Variants in GIMAP8 observed in about 807,000 individuals in gnomAD.
GIMAP8 encodes the protein GTPase, IMAP family member 8, also known as GTPase IMAP family member 8.
In GIMAP8, 29 loss-of-function variants were observed where a neutral mutation model predicts 35.6. The ratio of observed to expected loss-of-function variants is 0.81; its 90% CI spans 0.61 to 1.11. The LOEUF (loss-of-function observed/expected upper bound fraction) is 1.11, where lower values mean the gene tolerates loss of function less well. Ranked by LOEUF, GIMAP8 falls within the 50% of genes most tolerant of loss-of-function variation. The pLI is 0.00. For synonymous variants in GIMAP8, 335 were observed against 308.7 expected (o/e 1.09, Z -0.89); for missense variants, 811 against 805.0 (o/e 1.01, Z -0.09).
In GIMAP8 at chr7:150,467,332, C is replaced by G. The variant is rs766191571; in HGVS notation, c.634C>G (p.Gln212Glu). 1 of 1,607,096 alleles carries G rather than the reference C, an allele frequency of 6.2e-7. No homozygotes were observed. The highest frequency in any genetic ancestry group is 1.3e-5 in the African/African-American group (1 of 74,678). Residue 212 changes from glutamine to glutamate, a missense_variant and splice_region_variant, in exon 2 of 5, where the codon CAA becomes GAA. Coordinates refer to ENST00000307271, the MANE Select transcript of GIMAP8 (RefSeq NM_175571.4). ...VNFKTEGSRF[Q>E]DCVNEAASQE... Reference sequence around the variant, plus strand: ...CTTCAAAACTGAAGGCAGCAGGTTTCAAGTAAGAATTTTGTTAATATCTTG... The same window carrying G: ...CTTCAAAACTGAAGGCAGCAGGTTTGAAGTAAGAATTTTGTTAATATCTTG...
intron 1 of GIMAP8, among the ~76,000 whole-genome samples, chr7:150,452,836 C>T (rs1463010080): frequency 6.6e-6 from 1 of 151,288 alleles, no homozygotes; most frequent in Non-Finnish European, 1.5e-5. Flanking sequence ...GATCTACCTG[C>T]CTTGGCCTCT....
At chr7:150,475,665 T>C (rs1472334736) in intron 4 of GIMAP8, among the ~76,000 whole-genome samples, 1 of 152,096 alleles carries the variant, frequency 6.6e-6, no homozygotes, top group Non-Finnish European at 1.5e-5. Flanking sequence ...TCAAACATCC[T>C]CACCCAGGAA....
chr7:150,467,170 G>A lies in GIMAP8; in HGVS notation c.472G>A (p.Val158Ile), dbSNP rs1213022362. 5.0e-6 allele frequency: 8 copies of A among 1,614,076 alleles called. No homozygotes were observed. The highest frequency in any genetic ancestry group is 1.3e-5 in the African/African-American group (1 of 74,918). ...AAAAAACAAACCTCTCAAGCAGTTGGTTCAAGACTATGAGGGCCGATACTG... is the reference window on the plus strand; with the variant it reads ...AAAAAACAAACCTCTCAAGCAGTTGATTCAAGACTATGAGGGCCGATACTG... ...IEKNKPLKQLVQDYEGRYCIF... is the reference protein window; with the variant it reads ...IEKNKPLKQLIQDYEGRYCIF... The change falls in exon 2 of 5, where the codon GTT becomes ATT. Residue 158 changes from valine to isoleucine, a missense_variant. By Grantham distance (29) the Val-to-Ile change is conservative. Transcript: ENST00000307271.
At chr7:150,461,308 C>T (rs1160430572) in intron 1 of GIMAP8, among the ~76,000 whole-genome samples, 1 of 152,158 alleles carries the variant, frequency 6.6e-6, no homozygotes, top group Admixed American at 6.5e-5. Context: ...GATTATGTGT[C>T]CAATGTTGAA....
At chr7:150,473,785 G>C (rs542846931) in intron 3 of GIMAP8, among the ~76,000 whole-genome samples, 2 of 151,802 alleles carry the variant, frequency 1.3e-5, no homozygotes, top group Non-Finnish European at 2.9e-5. Flanking sequence ...TGGCATGTTC[G>C]TGTTCCTGGG....
chr7:150,466,982 A>T lies in GIMAP8; in HGVS notation c.284A>T (p.His95Leu). ...TTGGAGCTCTCTGCTCCCAGCCTCCATGCTCTGCTCTTGGTAATTGCCATC... is the reference window on the plus strand; with the variant it reads ...TTGGAGCTCTCTGCTCCCAGCCTCCTTGCTCTGCTCTTGGTAATTGCCATC... ...HCLELSAPSLHALLLVIAIGH... is the reference protein window; with the variant it reads ...HCLELSAPSLLALLLVIAIGH... Residue 95 changes from histidine to leucine, a missense_variant, in exon 2 of 5, where the codon CAT (histidine) becomes CTT (leucine). Transcript: ENST00000307271. 1 of 1,614,240 alleles carries T rather than the reference A, an allele frequency of 6.2e-7. No individual in the cohort carries two copies. Among genetic ancestry groups the T allele is most frequent in the South Asian group, 1.1e-5 (1 of 91,088 alleles).
chr7:150,459,837 T>G (rs997586532), intron 1 of GIMAP8, among the ~76,000 whole-genome samples: 5 of 152,162 alleles, frequency 3.3e-5, no homozygotes, highest in African/African-American at 4.8e-5. Flanking sequence ...GGTAAGGCAT[T>G]ATGTAAGCCC....
At chr7:150,467,675 C>G (rs556311830) in intron 2 of GIMAP8, among the ~76,000 whole-genome samples, 1 of 152,136 alleles carries the variant, frequency 6.6e-6, no homozygotes, top group Non-Finnish European at 1.5e-5. Flanking sequence ...ATTTTTCCCT[C>G]TTTTTCTGGC....
intron 2 of GIMAP8, among the ~76,000 whole-genome samples, chr7:150,468,317 A>G (rs1009043098): frequency 2.6e-5 from 4 of 152,246 alleles, no homozygotes; most frequent in African/African-American, 9.6e-5. Context: ...ATGTATTTGT[A>G]ACTAAGGAAG....
rs1563287286 is a variant in GIMAP8, at chr7:150,474,153, C to T, written c.824C>T (p.Thr275Ile). The T allele has an allele frequency of 1.2e-6, 2 of 1,614,150 alleles. No individual in the cohort carries two copies. Among genetic ancestry groups the T allele is most frequent in the Non-Finnish European group, 8.5e-7 (1 of 1,180,034 alleles). Residue 275 changes from threonine to isoleucine, a missense_variant, in exon 4 of 5, where the codon ACC (threonine) becomes ATC (isoleucine). Physicochemically the swap from Thr to Ile is moderately conservative, Grantham distance 89. Transcript: ENST00000307271. ...ATTCTGGGGAGGCAGGCCTTTCAGA[C>T]CGGATTTAGTGAGCAGTCAGTAACC... ...NSILGRQAFQ[T>I]GFSEQSVTQS...
In GIMAP8 at chr7:150,466,697, G is replaced by T; in HGVS notation, c.-2G>T. 3.7e-6 allele frequency: 6 copies of T among 1,613,308 alleles called. No homozygotes were observed. The highest frequency in any genetic ancestry group is 4.2e-6 in the Non-Finnish European group (5 of 1,179,608). On this transcript the variant is annotated 5_prime_UTR_variant, in exon 2 of 5. Transcript: ENST00000307271. The stretch of plus-strand genomic sequence containing the variant: ...ACAAGCGGGAGCCTGTGTCAGGAAA[G>T]CATGTCAGAGCAGAGCTGCCAGATG...
At chr7:150,471,062 A>AC (rs1802080272) in intron 3 of GIMAP8, among the ~76,000 whole-genome samples, 188 bp downstream of exon 3, 1 of 152,206 alleles carries the variant, frequency 6.6e-6, no homozygotes, top group African/African-American at 2.4e-5. Context: ...TAGCACCAGC[A>AC]AAGTTCCTGG....
chr7:150,452,565 ATG>A (rs952748393), intron 1 of GIMAP8, among the ~76,000 whole-genome samples: 70 of 149,170 alleles, frequency 4.7e-4, no homozygotes, highest in African/African-American at 1.5e-3. Flanking sequence ...TTGCATATAT[ATG>A]TGTGTGTGTA....
rs1585118234 is a variant in GIMAP8 at position 150,470,758 on chromosome 7, T to TG, written c.637-71_637-70insG. ...ATACTTCAATTTCCTTTTTTTTTTT[T>TG]TTTTTTTTTTCAGTTTGTGGAAGAT... On this transcript the variant is annotated intron_variant, in intron 2 of 4. Transcript: ENST00000307271. 9.2e-5 allele frequency: 65 copies of TG among 703,166 alleles called. No homozygotes were observed. The East Asian group carries it at 1.9e-3, about 21-fold the overall frequency. The allele number at this position is 703,166 out of a possible 1,614,324, so 43.6% of individuals were successfully genotyped here. A position where few individuals can be genotyped will look rare whatever the true frequency, so the allele number is the denominator to read the frequency against.
intron 1 of GIMAP8, among the ~76,000 whole-genome samples, chr7:150,459,759 T>A (rs1340560030): frequency 6.6e-6 from 1 of 152,176 alleles, no homozygotes; most frequent in Non-Finnish European, 1.5e-5. Flanking sequence ...CTCACTTTTT[T>A]TGCTGTGAAG....
chr7:150,473,912 A>C (rs1802153019), intron 3 of GIMAP8, 100 bp from the exon 4 acceptor site: 1 of 1,259,268 alleles, frequency 7.9e-7, no homozygotes, highest in African/African-American at 1.5e-5. Flanking sequence ...TGTTGTTGCC[A>C]TTCTCTATAC....
intron 1 of GIMAP8, among the ~76,000 whole-genome samples, chr7:150,457,363 A>C (rs1405893720): frequency 6.6e-6 from 1 of 152,196 alleles, no homozygotes; most frequent in African/African-American, 2.4e-5. Context: ...AGCATGTCAC[A>C]GTGCTGCAGA....
At position 150,466,844 on chromosome 7, in the gene GIMAP8, G is replaced by A; in HGVS notation, c.146G>A (p.Cys49Tyr). 6.2e-7 allele frequency: 1 copy of A among 1,614,250 alleles called. No homozygotes were observed. Among genetic ancestry groups the A allele is most frequent in the South Asian group, 1.1e-5 (1 of 91,092 alleles). ...KFSDQTVIKM[C>Y]QRESWVLRER... is the part of the protein sequence containing the mutation. ...AGTGATCAGACAGTGATCAAAATGT[G>A]CCAGAGAGAGAGTTGGGTCCTGAGA... The change falls in exon 2 of 5, where the codon TGC becomes TAC. Residue 49 changes from cysteine (C) to tyrosine (Y), a missense_variant. Transcript: ENST00000307271.
At chr7:150,459,767 A>C (rs1801806962) in intron 1 of GIMAP8, among the ~76,000 whole-genome samples, 2 of 152,160 alleles carry the variant, frequency 1.3e-5, no homozygotes. Flanking sequence ...TTTTGCTGTG[A>C]AGTGAGTTCC....
Sources: allele counts gnomAD v4.1 joint callset (sites outside exome capture counted in the v4.1 genomes callset), GRCh38; gene constraint gnomAD v4.1.1; transcripts MANE v1.5; gene names NCBI Gene and HGNC (gene_info 2026-07-23, HGNC 2026-07-21).